TOP1: variants seen among roughly 807,000 people sequenced by gnomAD.
TOP1 encodes the protein DNA topoisomerase 1.
In TOP1, 10 loss-of-function variants were observed where a neutral mutation model predicts 111.1. That is an observed-to-expected ratio of 0.09 (90% CI 0.06 to 0.15). The LOEUF (loss-of-function observed/expected upper bound fraction) is 0.15, where lower values mean the gene tolerates loss of function less well. Among genes scored for constraint, TOP1 ranks in the 10% least tolerant of loss-of-function variants. TOP1 has a pLI of 1.00. For synonymous variants in TOP1, 271 were observed against 302.9 expected (o/e 0.89, Z 1.10); for missense variants, 474 against 926.7 (o/e 0.51, Z 6.34).
chr20:41,048,707 A>G (rs2033364489), intron 2 of TOP1, among the ~76,000 whole-genome samples: 1 of 152,272 alleles, frequency 6.6e-6, no homozygotes, highest in Non-Finnish European at 1.5e-5. Context: ...TAGAATCTCC[A>G]GATCAGAAGA....
At chr20:41,041,340 C>T (rs2033261491) in intron 2 of TOP1, among the ~76,000 whole-genome samples, 1 of 148,890 alleles carries the variant, frequency 6.7e-6, no homozygotes, top group Non-Finnish European at 1.5e-5. Context: ...GTCCCAGCTA[C>T]TTGGGAGGCT....
At position 41,124,338 on chromosome 20, in the gene TOP1, A is replaced by C. The variant is rs1293547397; in HGVS notation, c.*1041A>C. On this transcript the variant is annotated 3_prime_UTR_variant, in exon 21 of 21. Coordinates refer to ENST00000361337, the MANE Select transcript of TOP1 (RefSeq NM_003286.4). The surrounding 1 kb of genome is among the most constrained non-coding windows in gnomAD (Gnocchi z 5.4). ...TTTTAATGTGAAGACATTTTTTGCT[A>C]TAATCATTAGTTTTAGAGGCATTGT... 2 of 233,142 alleles carry C rather than the reference A, an allele frequency of 8.6e-6. No individual in the cohort carries two copies. 14.4% of individuals were successfully genotyped at this position (233,142 alleles called of 1,614,324 possible).
intron 2 of TOP1, among the ~76,000 whole-genome samples, chr20:41,035,075 A>G (rs1312636156): frequency 6.6e-6 from 1 of 151,990 alleles, no homozygotes; most frequent in Non-Finnish European, 1.5e-5. Context: ...TTTTTTGTAG[A>G]GACGAGGTTT....
Position 41,115,309 on chromosome 20 carries a change from G to T in TOP1, c.1639-62G>T, listed in dbSNP as rs898110493. ...CTTTGCAAGTTTCTTTAAGTTTGGG[G>T]TTATTTCTAAAGTTAGGATTTTTTT... On this transcript the variant is annotated intron_variant, in intron 15 of 20. Coordinates refer to ENST00000361337, the MANE Select transcript of TOP1 (RefSeq NM_003286.4). The surrounding 1 kb of genome is among the most constrained non-coding windows in gnomAD (Gnocchi z 6.3). The T allele has an allele frequency of 2.5e-6, 3 of 1,203,392 alleles. No individual in the cohort carries two copies. The highest frequency in any genetic ancestry group is 3.8e-4 in the Middle Eastern group (2 of 5,216). The allele number at this position is 1,203,392 out of a possible 1,614,324, so 74.5% of individuals were successfully genotyped here. A position where few individuals can be genotyped will look rare whatever the true frequency, so the allele number is the denominator to read the frequency against.
At chr20:41,057,929 A>G (rs1398070550) in intron 2 of TOP1, among the ~76,000 whole-genome samples, 1 of 152,224 alleles carries the variant, frequency 6.6e-6, no homozygotes, top group African/African-American at 2.4e-5. Context: ...AGGCAGAAGT[A>G]GTGGGATATT....
rs756210828 is a variant in TOP1 at position 41,116,435 on chromosome 20, G to A, written c.1822+43G>A. ...AGATAGGGCCCACACCCCTACTAAT[G>A]GTATCCGGTGACCTTGCTTATCTAA... On this transcript the variant is annotated intron_variant, in intron 17 of 20. Coordinates refer to ENST00000361337, the MANE Select transcript of TOP1 (RefSeq NM_003286.4). The surrounding 1 kb of genome is among the most constrained non-coding windows in gnomAD (Gnocchi z 5.6). 5.4e-6 allele frequency: 8 copies of A among 1,476,746 alleles called. No individual in the cohort carries two copies. Among genetic ancestry groups the A allele is most frequent in the Middle Eastern group, 1.7e-4 (1 of 5,828 alleles). 91.5% of individuals were successfully genotyped at this position (1,476,746 alleles called of 1,614,324 possible).
chr20:41,048,708 G>A (rs1352539727), intron 2 of TOP1, among the ~76,000 whole-genome samples: 1 of 152,232 alleles, frequency 6.6e-6, no homozygotes, highest in Non-Finnish European at 1.5e-5. Flanking sequence ...AGAATCTCCA[G>A]ATCAGAAGAC....
At chr20:41,040,755 G>A (rs566730746) in intron 2 of TOP1, among the ~76,000 whole-genome samples, 37 of 142,884 alleles carry the variant, frequency 2.6e-4, no homozygotes, top group African/African-American at 9.5e-4. Context: ...GCAATGAGCC[G>A]AGATGGCACC....
intron 2 of TOP1, among the ~76,000 whole-genome samples, chr20:41,049,224 A>C (rs1232335695): frequency 1.3e-5 from 2 of 152,210 alleles, no homozygotes; most frequent in South Asian, 2.1e-4. Context: ...TAATTCTTGA[A>C]GTGTTTTTAA....
In TOP1 at chr20:41,038,992, C is replaced by CA. The variant is rs879288677; in HGVS notation, c.58+9552dup. On this transcript the variant is annotated intron_variant, in intron 2 of 20. Coordinates refer to ENST00000361337, the MANE Select transcript of TOP1 (RefSeq NM_003286.4). ...TGGGCAACAGAGTGAGACCCTGTCTCAAAAAAAAAAAAAAATCATCATCAT... is the reference window on the plus strand; with the variant it reads ...TGGGCAACAGAGTGAGACCCTGTCTCAAAAAAAAAAAAAAAATCATCATCAT... Among the ~76,000 whole-genome samples, 211 of 125,676 alleles carry CA rather than the reference C, an allele frequency of 1.7e-3. 1 individual carries two copies. The highest frequency in any genetic ancestry group is 8.2e-3 in the Middle Eastern group (2 of 244). The allele number at this position is 125,676 out of a possible 152,430, so 82.4% of individuals were successfully genotyped here. A position where few individuals can be genotyped will look rare whatever the true frequency, so the allele number is the denominator to read the frequency against.
In TOP1 at chr20:41,123,921, A is replaced by G; in HGVS notation, c.*624A>G. 1 of 232,284 alleles carries G rather than the reference A, an allele frequency of 4.3e-6. No homozygotes were observed. The highest frequency in any genetic ancestry group is 6.1e-5 in the East Asian group (1 of 16,362). The allele number at this position is 232,284 out of a possible 1,614,324, so 14.4% of individuals were successfully genotyped here. A position where few individuals can be genotyped will look rare whatever the true frequency, so the allele number is the denominator to read the frequency against. On this transcript the variant is annotated 3_prime_UTR_variant, in exon 21 of 21. Transcript: ENST00000361337. This position sits in a 1 kb window ranked among gnomAD's most constrained non-coding sequence, Gnocchi z 5.8. ...TGATGGGAAAATATTTCCTGACTTG[A>G]GTGTTCCTTTTTAAATGTGAATTTT...
intron 14 of TOP1, among the ~76,000 whole-genome samples, chr20:41,113,755 C>T (rs956223824): frequency 1.3e-5 from 2 of 150,382 alleles, no homozygotes; most frequent in Non-Finnish European, 3.0e-5. Context: ...TGGTGGCGGG[C>T]GCCTGTAGTC....
intron 3 of TOP1, among the ~76,000 whole-genome samples, chr20:41,066,824 G>A (rs1344487400): frequency 6.6e-6 from 1 of 152,072 alleles, no homozygotes; most frequent in African/African-American, 2.4e-5. Context: ...AAAGTCTTGG[G>A]ATTACAGGCG....
chr20:41,065,404 G>A (rs1460406092), intron 3 of TOP1, among the ~76,000 whole-genome samples: 3 of 152,110 alleles, frequency 2.0e-5, no homozygotes, highest in Admixed American at 6.5e-5. Context: ...TCACACAATT[G>A]TGTGTGGTAA....
chr20:41,074,306 CA>C (rs1014158871), intron 3 of TOP1, among the ~76,000 whole-genome samples: 1 of 151,692 alleles, frequency 6.6e-6, no homozygotes, highest in African/African-American at 2.4e-5. Context: ...ATTCCAAGAA[CA>C]AAAAGCATGG....
At chr20:41,068,351 T>C (rs2033631318) in intron 3 of TOP1, among the ~76,000 whole-genome samples, 1 of 152,216 alleles carries the variant, frequency 6.6e-6, no homozygotes, top group South Asian at 2.1e-4. Context: ...TCATCAGTCA[T>C]CACTTATCTC....
chr20:41,101,081 C>A lies in TOP1; in HGVS notation c.1164-128C>A. 1.1e-6 allele frequency: 1 copy of A among 884,890 alleles called. No homozygotes were observed. The highest frequency in any genetic ancestry group is 1.8e-6 in the Non-Finnish European group (1 of 562,254). The allele number at this position is 884,890 out of a possible 1,614,324, so 54.8% of individuals were successfully genotyped here. A position where few individuals can be genotyped will look rare whatever the true frequency, so the allele number is the denominator to read the frequency against. ...AAGTAAAACCATGCATAAGGTGGGA[C>A]TACTGTATTGACTGTTAAGAAGGAA... On this transcript the variant is annotated intron_variant, in intron 12 of 20. Transcript: ENST00000361337. This position sits in a 1 kb window ranked among gnomAD's most constrained non-coding sequence, Gnocchi z 4.1.
intron 2 of TOP1, among the ~76,000 whole-genome samples, chr20:41,051,376 A>G (rs117070474): frequency 6.6e-6 from 1 of 152,154 alleles, no homozygotes; most frequent in East Asian, 1.9e-4. Context: ...GCAGCAAAGG[A>G]CTCTTCTTCC....
At chr20:41,070,411 T>C (rs1032568659) in intron 3 of TOP1, among the ~76,000 whole-genome samples, 11 of 152,188 alleles carry the variant, frequency 7.2e-5, no homozygotes, top group Admixed American at 2.6e-4. Flanking sequence ...TGTGATTTTG[T>C]TTAGAGATAT....
Sources: gnomAD v4.1 joint callset for allele counts (sites outside exome capture counted in the v4.1 genomes callset) on GRCh38, gnomAD v4.1.1 for gene constraint, Gnocchi (gnomAD v3.1) non-coding constraint, MANE v1.5 for transcripts, NCBI Gene and HGNC (gene_info 2026-07-23, HGNC 2026-07-21) for gene names.